The following NBEAL1 variants were observed in gnomAD, a reference collection of about 807,000 sequenced individuals.
NBEAL1 encodes the protein neurobeachin like 1.
NBEAL1 carries 273 observed loss-of-function variants against 351.3 expected under a neutral mutation model. The ratio of observed to expected loss-of-function variants is 0.78; its 90% confidence interval spans 0.70 to 0.86. The LOEUF is 0.86. Among genes scored for constraint, NBEAL1 ranks in the 40% least tolerant of loss-of-function variants. NBEAL1 has a pLI of 0.00. For synonymous variants in NBEAL1, 1,050 were observed against 1,086.4 expected (o/e 0.97, Z 0.66); for missense variants, 2,961 against 3,201.3 (o/e 0.92, Z 1.81).
At chr2:203,104,101 G>T (rs910895715) in intron 12 of NBEAL1, among the ~76,000 whole-genome samples, 1 of 152,164 alleles carries the variant, frequency 6.6e-6, no homozygotes, top group African/African-American at 2.4e-5. Flanking sequence ...AAAGTGTCCT[G>T]TAGATCTCTA....
intron 3 of NBEAL1, among the ~76,000 whole-genome samples, chr2:203,042,177 A>T (rs955589534): frequency 6.6e-5 from 10 of 152,248 alleles, no homozygotes; most frequent in Non-Finnish European, 2.9e-5. Context: ...GACATTAGCC[A>T]CTACAAGTCT....
At chr2:203,123,587 G>A (rs2062876465) in intron 19 of NBEAL1, among the ~76,000 whole-genome samples, 1 of 151,988 alleles carries the variant, frequency 6.6e-6, no homozygotes, top group South Asian at 2.1e-4. Flanking sequence ...GCCCACCTTG[G>A]CCTCTCAAAG....
In NBEAL1 at chr2:203,083,313, A is replaced by G. The variant is rs919293301; in HGVS notation, c.779A>G (p.Glu260Gly). 8 of 1,553,388 alleles carry G rather than the reference A, an allele frequency of 5.2e-6. No homozygotes were observed. The Admixed American group carries it at 5.9e-5, about 11-fold the overall frequency. ...TCCTGGGAGGATGGAGATCCTGAAG[A>G]AGTGGGTAGGAAGGCAGAACTAACT... is the stretch of plus-strand genomic sequence containing the variant. ...CDSWEDGDPE[E>G]VGRKAELTLK... Residue 260 changes from glutamate to glycine, a missense_variant, in exon 9 of 56, where the codon GAA (glutamate) becomes GGA (glycine). By Grantham distance (98) the Glu-to-Gly change is moderately conservative. Transcript: ENST00000683969.
rs1259752730 is a variant in NBEAL1 at position 203,217,326 on chromosome 2, C to A, written c.8144C>A (p.Thr2715Asn). Residue 2715 changes from threonine (T) to asparagine (N), a missense_variant, in exon 56 of 56, where the codon ACT (threonine) becomes AAT (asparagine). By Grantham distance (65) the Thr-to-Asn change is moderately conservative. Coordinates refer to ENST00000683969, the MANE Select transcript of NBEAL1 (RefSeq NM_001378026.1). ...CTCAGCCAGATTTCAGCTGGAGAAACTGAATATAATACTCAAGATTCCAAG... is the reference window on the plus strand; with the variant it reads ...CTCAGCCAGATTTCAGCTGGAGAAAATGAATATAATACTCAAGATTCCAAG... ...KRLSQISAGE[T>N]EYNTQDSK The A allele has an allele frequency of 6.3e-7, 1 of 1,595,514 alleles. No individual in the cohort carries two copies. Among genetic ancestry groups the A allele is most frequent in the Non-Finnish European group, 8.5e-7 (1 of 1,172,094 alleles).
intron 53 of NBEAL1, among the ~76,000 whole-genome samples, chr2:203,210,130 A>C (rs2065740175): frequency 6.6e-6 from 1 of 152,054 alleles, no homozygotes; most frequent in Non-Finnish European, 1.5e-5. Context: ...TGGGAGGCTG[A>C]GGTGGGTGGA....
chr2:203,079,183 G>A (rs994025221), intron 8 of NBEAL1, among the ~76,000 whole-genome samples: 4 of 152,044 alleles, frequency 2.6e-5, no homozygotes, highest in Admixed American at 1.3e-4. Context: ...GGCTCAGTCA[G>A]TTCTCCCACT....
rs1408505885 is a variant in NBEAL1, at chr2:203,107,892, A to G, written c.1653A>G (p.Ser551=). 2.1e-5 allele frequency: 33 copies of G among 1,553,782 alleles called. No homozygotes were observed. Among genetic ancestry groups the G allele is most frequent in the Non-Finnish European group, 2.0e-5 (23 of 1,147,626 alleles). ...IAIHGSLGSQ[S]VSSEEIRRLL... The stretch of plus-strand genomic sequence containing the variant: ...TCCATGGTTCCTTGGGGAGTCAGTC[A>G]GTGAGCTCAGAAGAAATCCGTCGAC... The change falls in exon 14 of 56, where the codon TCA becomes TCG. Residue 551 remains serine, a synonymous_variant. Transcript: ENST00000683969.
intron 39 of NBEAL1, among the ~76,000 whole-genome samples, chr2:203,170,946 A>G (rs1205338023): frequency 6.6e-6 from 1 of 152,188 alleles, no homozygotes; most frequent in Non-Finnish European, 1.5e-5. Context: ...TTTGTAACAA[A>G]AATTTCTAAG....
intron 10 of NBEAL1, among the ~76,000 whole-genome samples, chr2:203,094,854 G>A (rs1015586480): frequency 1.3e-5 from 2 of 152,188 alleles, no homozygotes; most frequent in Non-Finnish European, 2.9e-5. Flanking sequence ...AGGCTCAGTG[G>A]CTCACGCCTG....
intron 43 of NBEAL1, chr2:203,180,953 T>TTTTTTTTTTTTTTG (rs2064698634): frequency 6.8e-6 from 1 of 146,780 alleles, no homozygotes; most frequent in African/African-American, 2.5e-5. Context: ...TTTTTTTTTT[T>TTTTTTTTTTTTTTG]TTGAGACAGG....
chr2:203,177,239 A>G (rs1416576041), intron 42 of NBEAL1, among the ~76,000 whole-genome samples: 1 of 151,934 alleles, frequency 6.6e-6, no homozygotes, highest in African/African-American at 2.4e-5. Flanking sequence ...TAGAATATAT[A>G]AAAAACCCTT....
chr2:203,094,470 T>C (rs2062135600), intron 10 of NBEAL1, among the ~76,000 whole-genome samples: 1 of 152,344 alleles, frequency 6.6e-6, no homozygotes, highest in South Asian at 2.1e-4. Context: ...AGTTTTGCTA[T>C]TTAGACCCAT....
intron 42 of NBEAL1, among the ~76,000 whole-genome samples, chr2:203,179,123 T>C (rs2064617872): frequency 6.6e-6 from 1 of 152,200 alleles, no homozygotes; most frequent in Non-Finnish European, 1.5e-5. Context: ...TTTTTCTTTG[T>C]AGCATAGCCT....
intron 31 of NBEAL1, among the ~76,000 whole-genome samples, chr2:203,141,366 ATTTTTTTTT>A (rs71034219): frequency 3.0e-3 from 27 of 9,102 alleles, no homozygotes; most frequent in Admixed American, 4.7e-3. Context: ...TATTATTATT[ATTTTTTTTT>A]TTTTTTTTTT....
In NBEAL1 at chr2:203,023,792, T is replaced by C. The variant is rs181275243; in HGVS notation, c.51+7357T>C. On this transcript the variant is annotated intron_variant, in intron 2 of 55. Coordinates refer to ENST00000683969, the MANE Select transcript of NBEAL1 (RefSeq NM_001378026.1). ...GAGAGGTCTGTGCTGGAAATAAAGA[T>C]TTGAGAGTTCTCATATTGGGAATTA... Among the ~76,000 whole-genome samples the C allele has an allele frequency of 2.0e-3, 309 of 152,156 alleles. 3 individuals carry two copies. Among genetic ancestry groups the C allele is most frequent in the Non-Finnish European group, 2.9e-3 (199 of 68,004 alleles).
intron 51 of NBEAL1, among the ~76,000 whole-genome samples, chr2:203,206,530 C>CAA (rs2065570343): frequency 6.6e-6 from 1 of 152,124 alleles, no homozygotes. Context: ...ATTCTCCTGC[C>CAA]TCAGCCTGCC....
chr2:203,152,761 G>A (rs2063690875), intron 35 of NBEAL1, among the ~76,000 whole-genome samples: 2 of 152,044 alleles, frequency 1.3e-5, no homozygotes, highest in South Asian at 4.2e-4. Context: ...ACTGGGCCCG[G>A]CACAGTGGCT....
In NBEAL1 at chr2:203,149,059, A is replaced by C; in HGVS notation, c.5373A>C (p.Lys1791Asn). ...ACCTGAGGTATAATAATATGCTTAA[A>C]CAACTTAGCAGTCAACAGTTAGCCA... Reference protein sequence around the residue: ...QENLRYNNMLKQLSSQQLATL... With the variant: ...QENLRYNNMLNQLSSQQLATL... Residue 1791 changes from lysine (K) to asparagine (N), a missense_variant, in exon 34 of 56, where the codon AAA (lysine) becomes AAC (asparagine). Lys to Asn is a moderately conservative substitution (Grantham distance 94). Coordinates refer to ENST00000683969, the MANE Select transcript of NBEAL1 (RefSeq NM_001378026.1). 1 of 1,613,272 alleles carries C rather than the reference A, an allele frequency of 6.2e-7. No individual in the cohort carries two copies. Among genetic ancestry groups the C allele is most frequent in the Non-Finnish European group, 8.5e-7 (1 of 1,179,444 alleles).
chr2:203,185,035 A>T (rs1192796488), intron 44 of NBEAL1, among the ~76,000 whole-genome samples: 1 of 152,216 alleles, frequency 6.6e-6, no homozygotes, highest in Non-Finnish European at 1.5e-5. Context: ...GGAAGTTTAC[A>T]TGAGTTGTTT....
Sources: gnomAD v4.1 joint callset for allele counts (sites outside exome capture counted in the v4.1 genomes callset) on GRCh38, gnomAD v4.1.1 for gene constraint, MANE v1.5 for transcripts, NCBI Gene and HGNC (gene_info 2026-07-23, HGNC 2026-07-21) for gene names.